SMS: variants seen among roughly 807,000 people sequenced by gnomAD.
SMS encodes the protein spermine synthase.
A neutral mutation model predicts 33.0 loss-of-function variants in SMS; 3 were observed. That is an observed-to-expected ratio of 0.09 (90% CI 0.04 to 0.23). The LOEUF (loss-of-function observed/expected upper bound fraction) is 0.23. Among genes scored for constraint, SMS ranks in the 10% least tolerant of loss-of-function variants. The pLI, the probability that SMS is intolerant of heterozygous loss-of-function variation, is 1.00. For synonymous variants in SMS, 103 were observed against 112.2 expected (o/e 0.92, Z 0.52); for missense variants, 117 against 288.6 (o/e 0.41, Z 4.31).
At chrX:21,980,611 T>A in intron 7 of SMS, among the ~76,000 whole-genome samples, 1 of 104,429 alleles carries the variant, frequency 9.6e-6, no homozygotes. Context: ...ATATAATAGA[T>A]AGCAAAAGCC....
At chrX:21,966,622 T>C (rs1923741782) in intron 1 of SMS, among the ~76,000 whole-genome samples, 1 of 111,461 alleles carries the variant, frequency 9.0e-6, no homozygotes, top group African/African-American at 3.3e-5. Context: ...GTCCAGTTTC[T>C]ACCATTTAGA....
intron 9 of SMS, among the ~76,000 whole-genome samples, chrX:21,991,771 A>G (rs1299187149): frequency 8.9e-6 from 1 of 112,225 alleles, no homozygotes; most frequent in African/African-American, 3.2e-5. Context: ...GCTCTGCTAT[A>G]CCTTGGCTGG....
intron 1 of SMS, among the ~76,000 whole-genome samples, chrX:21,948,939 G>T (rs1922423514): frequency 8.9e-6 from 1 of 111,994 alleles, no homozygotes; most frequent in Non-Finnish European, 1.9e-5. Flanking sequence ...TGCGAACCAC[G>T]TATGTAAACC....
chrX:21,982,204 G>A (rs950602435), intron 7 of SMS, among the ~76,000 whole-genome samples: 1 of 108,468 alleles, frequency 9.2e-6, no homozygotes, highest in African/African-American at 3.4e-5. Context: ...TGGGCGTGGT[G>A]GCGGGCACCT....
intron 1 of SMS, among the ~76,000 whole-genome samples, chrX:21,944,879 T>A (rs1485006262): frequency 9.0e-6 from 1 of 111,610 alleles, no homozygotes; most frequent in Non-Finnish European, 1.9e-5. Context: ...CTCTGGAGGC[T>A]GAGGCAAGAG....
chrX:21,947,511 C>T (rs1436453761), intron 1 of SMS, among the ~76,000 whole-genome samples: 1 of 112,188 alleles, frequency 8.9e-6, no homozygotes, highest in East Asian at 2.8e-4. Flanking sequence ...GGCACACCTA[C>T]CTCACTCAGC....
At chrX:21,958,111 T>G (rs944769617) in intron 1 of SMS, among the ~76,000 whole-genome samples, 10 of 112,094 alleles carry the variant, frequency 8.9e-5, no homozygotes, top group African/African-American at 2.9e-4. Context: ...GCTTTTTAGT[T>G]TAATTAGGTC....
In SMS at chrX:21,967,209, C is replaced by T. The variant is rs199912073; in HGVS notation, c.63C>T (p.Thr21=). Residue 21 remains threonine (T), a synonymous_variant, in exon 2 of 11, where the codon ACC becomes ACT. Coordinates refer to ENST00000404933, the MANE Select transcript of SMS (RefSeq NM_004595.5). Reference sequence around the variant, plus strand: ...CTTGTTCTCCAGCTGATGGTGAGACCATTCTAAAAGGCCTCCAGTCCATTT... The same window carrying T: ...CTTGTTCTCCAGCTGATGGTGAGACTATTCTAAAAGGCCTCCAGTCCATTT... ...FMLGAKADGE[T]ILKGLQSIFQ... The T allele has an allele frequency of 3.8e-4, 458 of 1,206,270 alleles. 2 individuals are homozygous for T. The highest frequency in any genetic ancestry group is 7.7e-5 in the Non-Finnish European group (69 of 894,057).
intron 1 of SMS, among the ~76,000 whole-genome samples, chrX:21,966,634 C>T (rs748417110): frequency 1.8e-5 from 2 of 111,242 alleles, no homozygotes; most frequent in Non-Finnish European, 3.8e-5. Context: ...CCATTTAGAG[C>T]TATGTTACTG....
chrX:21,978,839 C>A (rs773123220), intron 6 of SMS, 38 bp from the exon 7 acceptor site: 23 of 966,143 alleles, frequency 2.4e-5, no homozygotes, highest in Middle Eastern at 6.7e-4. Context: ...TTTCAGAATT[C>A]TTTGATATAC....
chrX:21,953,664 C>T (rs2147494411), intron 1 of SMS, among the ~76,000 whole-genome samples: 1 of 112,416 alleles, frequency 8.9e-6, no homozygotes, highest in Admixed American at 9.4e-5. Context: ...AGAGGAATTG[C>T]CCCATTTCAT....
chrX:21,970,096 G>A (rs1206116154), intron 2 of SMS, among the ~76,000 whole-genome samples: 1 of 113,056 alleles, frequency 8.8e-6, no homozygotes. Context: ...ACAGGCATGA[G>A]CCACCGCGCC....
chrX:21,986,260 A>G (rs1392224433), intron 9 of SMS, among the ~76,000 whole-genome samples: 1 of 104,296 alleles, frequency 9.6e-6, no homozygotes, highest in Admixed American at 1.1e-4. Flanking sequence ...GAGGCAGGAA[A>G]TTGCTTGAAC....
intron 1 of SMS, among the ~76,000 whole-genome samples, chrX:21,946,952 AGCTTGGTCATT>A (rs1922280954): frequency 9.0e-6 from 1 of 110,692 alleles, no homozygotes; most frequent in African/African-American, 3.3e-5. Context: ...CTCTGTTAGG[AGCTTGGTCATT>A]GCTTCCTACT....
chrX:21,972,303 G>A (rs1433612029), intron 3 of SMS, among the ~76,000 whole-genome samples: 2 of 111,374 alleles, frequency 1.8e-5, no homozygotes, highest in Admixed American at 9.6e-5. Flanking sequence ...GCTAACTTAC[G>A]CTAAGGTTAG....
intron 10 of SMS, among the ~76,000 whole-genome samples, chrX:21,993,751 C>T (rs897853036): frequency 8.9e-6 from 1 of 112,418 alleles, no homozygotes; most frequent in South Asian, 3.6e-4. Flanking sequence ...TTAGGGTTCC[C>T]CTCAGCATTT....
intron 1 of SMS, among the ~76,000 whole-genome samples, chrX:21,949,876 C>A (rs779514692): frequency 9.1e-6 from 1 of 109,439 alleles, no homozygotes; most frequent in African/African-American, 3.3e-5. Flanking sequence ...CGACATAACA[C>A]AAAAAAATGC....
At position 21,940,739 on chromosome X, in the gene SMS, C is replaced by G; in HGVS notation, c.-86C>G. 2.4e-6 allele frequency: 2 copies of G among 822,606 alleles called. No individual in the cohort carries two copies. Among genetic ancestry groups the G allele is most frequent in the Non-Finnish European group, 3.4e-6 (2 of 591,514 alleles). The allele number at this position is 822,606 out of a possible 1,213,427, so 67.8% of individuals were successfully genotyped here. On this transcript the variant is annotated 5_prime_UTR_variant, in exon 1 of 11. Transcript: ENST00000404933. Reference sequence around the variant, plus strand: ...TGGCCTCCCCGGGCGCAGCACACTCCCAGCCGGCCGCAGCCTGACACGCCG... The same window carrying G: ...TGGCCTCCCCGGGCGCAGCACACTCGCAGCCGGCCGCAGCCTGACACGCCG...
chrX:21,976,573 C>T (rs1326690830), intron 4 of SMS, among the ~76,000 whole-genome samples: 1 of 81,556 alleles, frequency 1.2e-5, no homozygotes, highest in Non-Finnish European at 2.2e-5. Context: ...TTATACGTTA[C>T]ATGAGGATAA....
Sources: gnomAD v4.1 joint callset for allele counts (sites outside exome capture counted in the v4.1 genomes callset) on GRCh38, gnomAD v4.1.1 for gene constraint, MANE v1.5 for transcripts, NCBI Gene and HGNC (gene_info 2026-07-23, HGNC 2026-07-21) for gene names.